The following QRSL1 variants were observed in gnomAD, a reference collection of about 807,000 sequenced individuals.
QRSL1 encodes the protein glutamyl-tRNA(Gln) amidotransferase subunit A, mitochondrial.
Under a neutral mutation model 61.6 loss-of-function variants are expected in QRSL1, and 54 were observed. The ratio of observed to expected loss-of-function variants is 0.88; its 90% CI spans 0.70 to 1.10. The LOEUF (loss-of-function observed/expected upper bound fraction) is 1.10. QRSL1 is among the 50% of genes least tolerant of loss of function. The pLI, the probability that QRSL1 is intolerant of heterozygous loss-of-function variation, is 0.00. For synonymous variants in QRSL1, 228 were observed against 225.7 expected, an observed-to-expected ratio of 1.01 and a Z score of -0.09; for missense variants, 505 against 622.6, an observed-to-expected ratio of 0.81 and a Z score of 2.01.
At chr6:106,659,495 CT>C in intron 9 of QRSL1, among the ~76,000 whole-genome samples, 1 of 151,674 alleles carries the variant, frequency 6.6e-6, no homozygotes, top group South Asian at 2.1e-4. Context: ...TTTATAGTAA[CT>C]GTTTTAATGT....
At chr6:106,638,421 C>T (rs1197450743) in intron 1 of QRSL1, among the ~76,000 whole-genome samples, 4 of 152,140 alleles carry the variant, frequency 2.6e-5, no homozygotes, top group Non-Finnish European at 5.9e-5. Context: ...TCTTCTGCCT[C>T]GGTCTCCCGA....
chr6:106,654,321 G>T (rs934764699), intron 7 of QRSL1, among the ~76,000 whole-genome samples: 1 of 151,688 alleles, frequency 6.6e-6, no homozygotes. Context: ...CTGCACTCCA[G>T]CCTGGGCGAC....
Position 106,633,454 on chromosome 6 carries a change from G to C in QRSL1, c.24+3749G>C, listed in dbSNP as rs539502393. On this transcript the variant is annotated intron_variant, in intron 1 of 10. Transcript: ENST00000369046. ...TAATTGAGATAATCAGTTGAAGAGG[G>C]GGAAATTTGCGGGGAATTAGGGAGA... Among the ~76,000 whole-genome samples the C allele has an allele frequency of 1.3e-5, 2 of 152,248 alleles. 1 individual carries two copies. The highest frequency in any genetic ancestry group is 4.1e-4 in the South Asian group (2 of 4,820).
chr6:106,629,630 C>A lies in QRSL1; in HGVS notation c.-52C>A. 6.3e-7 allele frequency: 1 copy of A among 1,575,638 alleles called. No homozygotes were observed. The highest frequency in any genetic ancestry group is 1.2e-5 in the South Asian group (1 of 85,646). On this transcript the variant is annotated 5_prime_UTR_variant, in exon 1 of 11. Coordinates refer to ENST00000369046, the MANE Select transcript of QRSL1 (RefSeq NM_018292.5). ...TGTAACATCACTAGCGACCGGTGAC[C>A]TCTTTTTCCCCCTTGCCTGGCTCCT...
intron 10 of QRSL1, 103 bp downstream of exon 10, chr6:106,663,288 T>G (rs1777386589): frequency 9.0e-7 from 1 of 1,108,816 alleles, no homozygotes; most frequent in Non-Finnish European, 1.3e-6. Flanking sequence ...AAAGCAAAAG[T>G]CTATCCTTTT....
chr6:106,663,456 G>A (rs1359867711), intron 10 of QRSL1, among the ~76,000 whole-genome samples: 2 of 152,194 alleles, frequency 1.3e-5, no homozygotes, highest in Non-Finnish European at 2.9e-5. Flanking sequence ...CCACTTCTGC[G>A]AATGCCTCAG....
intron 10 of QRSL1, 62 bp downstream of exon 10, chr6:106,663,247 C>T: frequency 8.6e-6 from 13 of 1,507,380 alleles, no homozygotes; most frequent in Non-Finnish European, 1.1e-5. Flanking sequence ...CCCTGGTCTT[C>T]AACTTAAGAT....
At chr6:106,636,931 ACTTTGTGG>A (rs3040669) in intron 1 of QRSL1, among the ~76,000 whole-genome samples, 6,708 of 152,206 alleles carry the variant, frequency 0.044, 316 homozygotes, top group East Asian at 0.19. Flanking sequence ...ATTACTATAA[ACTTTGTGG>A]CTTAAAATAA....
intron 10 of QRSL1, among the ~76,000 whole-genome samples, chr6:106,665,565 A>G (rs558437384): frequency 6.6e-6 from 1 of 152,272 alleles, no homozygotes; most frequent in East Asian, 1.9e-4. Flanking sequence ...GCAATAAGAA[A>G]TGAATGAAGA....
chr6:106,633,753 C>T (rs1443776414), intron 1 of QRSL1, among the ~76,000 whole-genome samples: 1 of 152,076 alleles, frequency 6.6e-6, no homozygotes, highest in Non-Finnish European at 1.5e-5. Flanking sequence ...CTTCTTGGAG[C>T]TTCAACTTTA....
intron 5 of QRSL1, among the ~76,000 whole-genome samples, chr6:106,651,321 T>A (rs1777185020): frequency 6.6e-6 from 1 of 152,164 alleles, no homozygotes; most frequent in Non-Finnish European, 1.5e-5. Flanking sequence ...TAAATAAGTG[T>A]GCAAAATTAT....
chr6:106,653,851 TA>T (rs1371470921), intron 7 of QRSL1: 1 of 147,066 alleles, frequency 6.8e-6, no homozygotes, highest in African/African-American at 2.5e-5. Flanking sequence ...AAGAAGGCAA[TA>T]TCTGTGCATT....
At chr6:106,636,813 A>G (rs908977536) in intron 1 of QRSL1, among the ~76,000 whole-genome samples, 2 of 152,202 alleles carry the variant, frequency 1.3e-5, no homozygotes, top group Non-Finnish European at 2.9e-5. Context: ...ACTAAATTAT[A>G]TGTATTTGCA....
chr6:106,639,516 C>A (rs555490900), intron 1 of QRSL1, among the ~76,000 whole-genome samples: 2 of 152,252 alleles, frequency 1.3e-5, no homozygotes, highest in South Asian at 4.1e-4. Context: ...ACTATTCCTT[C>A]CCCTATTCTC....
At chr6:106,630,115 T>C (rs956060712) in intron 1 of QRSL1, among the ~76,000 whole-genome samples, 4 of 152,120 alleles carry the variant, frequency 2.6e-5, no homozygotes, top group Non-Finnish European at 4.4e-5. Context: ...AAATGAGTAA[T>C]TTTTGGCTTT....
intron 5 of QRSL1, 55 bp from the exon 6 acceptor site, chr6:106,652,154 C>G: frequency 1.3e-6 from 2 of 1,486,282 alleles, no homozygotes; most frequent in Non-Finnish European, 1.8e-6. Flanking sequence ...GGGTAGATTC[C>G]AAATATAATT....
chr6:106,657,303 C>CAGGA (rs1777287086), intron 9 of QRSL1, among the ~76,000 whole-genome samples: 1 of 150,858 alleles, frequency 6.6e-6, no homozygotes, highest in African/African-American at 2.4e-5. Flanking sequence ...GGTTATGTTC[C>CAGGA]AGATTAAAAG....
At chr6:106,640,244 T>A (rs1327181324) in intron 1 of QRSL1, 105 bp from the exon 2 acceptor site, 15 of 1,018,776 alleles carry the variant, frequency 1.5e-5, no homozygotes, top group Non-Finnish European at 2.1e-5. Flanking sequence ...AAGCCTCACT[T>A]TAAAATGTTA....
intron 10 of QRSL1, 85 bp downstream of exon 10, chr6:106,663,270 G>A (rs1045076235): frequency 7.4e-7 from 1 of 1,358,832 alleles, no homozygotes; most frequent in South Asian, 1.2e-5. Flanking sequence ...TAGCTAGATG[G>A]TTTCCGAAAA....
Sources: gnomAD v4.1 joint callset for allele counts (sites outside exome capture counted in the v4.1 genomes callset) on GRCh38, gnomAD v4.1.1 for gene constraint, MANE v1.5 for transcripts, NCBI Gene and HGNC (gene_info 2026-07-23, HGNC 2026-07-21) for gene names.